The following KSR2 variants were observed in gnomAD, a reference collection of about 807,000 sequenced individuals.
KSR2 encodes the protein kinase suppressor of ras 2.
Under a neutral mutation model 107.8 loss-of-function variants are expected in KSR2, and 25 were observed. That is an observed-to-expected ratio of 0.23 (90% confidence interval 0.17 to 0.32). The LOEUF is 0.32. Among genes scored for constraint, KSR2 ranks in the 10% least tolerant of loss-of-function variants. KSR2 has a pLI of 1.00. For synonymous variants in KSR2, 480 were observed against 507.0 expected (o/e 0.95, Z 0.71); for missense variants, 887 against 1,268.9 (o/e 0.70, Z 4.57).
chr12:117,818,232 T>C (rs1156807044), intron 3 of KSR2, among the ~76,000 whole-genome samples: 5 of 152,208 alleles, frequency 3.3e-5, no homozygotes, highest in South Asian at 2.1e-4. Context: ...ATGTCACCAT[T>C]TGGCCCTTGG....
intron 7 of KSR2, among the ~76,000 whole-genome samples, chr12:117,562,114 G>T (rs1878167621): frequency 6.6e-6 from 1 of 152,200 alleles, no homozygotes; most frequent in Admixed American, 6.5e-5. Context: ...AGGTGTCAAG[G>T]GTAGGGGAAG....
At chr12:117,685,704 G>T (rs1379232214) in intron 4 of KSR2, among the ~76,000 whole-genome samples, 1 of 152,238 alleles carries the variant, frequency 6.6e-6, no homozygotes, top group Non-Finnish European at 1.5e-5. Flanking sequence ...GGAAATAGCT[G>T]CATCCCCACC....
intron 1 of KSR2, among the ~76,000 whole-genome samples, chr12:117,950,793 A>C (rs1009601810): frequency 6.7e-6 from 1 of 150,260 alleles, no homozygotes; most frequent in African/African-American, 2.4e-5. Flanking sequence ...AATAAAAGTA[A>C]AAATACACTG....
chr12:117,651,607 T>C (rs1353469848), intron 5 of KSR2, among the ~76,000 whole-genome samples: 1 of 152,226 alleles, frequency 6.6e-6, no homozygotes, highest in Non-Finnish European at 1.5e-5. Flanking sequence ...TTTATTTGCT[T>C]GGTTAGCCGA....
intron 2 of KSR2, among the ~76,000 whole-genome samples, chr12:117,857,280 G>A (rs559411054): frequency 3.3e-5 from 5 of 152,068 alleles, no homozygotes; most frequent in African/African-American, 9.6e-5. Context: ...GGCTGGTCTC[G>A]AATTCCTGGC....
chr12:117,846,734 G>A (rs575395116), intron 3 of KSR2, among the ~76,000 whole-genome samples: 1 of 152,374 alleles, frequency 6.6e-6, no homozygotes, highest in Admixed American at 6.5e-5. Context: ...CACCTGTGGC[G>A]ATGAACAACT....
chr12:117,604,807 A>G (rs556287647), intron 5 of KSR2, among the ~76,000 whole-genome samples: 1 of 152,318 alleles, frequency 6.6e-6, no homozygotes, highest in African/African-American at 2.4e-5. Context: ...GTGGGACTGC[A>G]GCAAGTTGGA....
intron 4 of KSR2, among the ~76,000 whole-genome samples, chr12:117,756,481 A>C (rs1888794853): frequency 6.6e-6 from 1 of 152,252 alleles, no homozygotes; most frequent in South Asian, 2.1e-4. Context: ...TGGTTTGCTG[A>C]ATATTTTAAG....
Position 117,875,117 on chromosome 12 carries a change from AG to A in KSR2, c.181-14687del, listed in dbSNP as rs574716913. On this transcript the variant is annotated intron_variant, in intron 1 of 19. Transcript: ENST00000339824. ...GCGCCTTATTACTGTACTCTGTATT[AG>A]CATGGCGGTAAATTTAGCAGCATAA... Among the ~76,000 whole-genome samples the A allele has an allele frequency of 2.2e-4, 33 of 152,312 alleles. 1 individual carries two copies. The South Asian group carries it at 6.4e-3, about 30-fold the overall frequency.
rs546353757 is a variant in KSR2, at chr12:117,528,851, C to T, written c.1803-1732G>A. Among the ~76,000 whole-genome samples the T allele has an allele frequency of 2.6e-5, 4 of 152,336 alleles. No individual in the cohort carries two copies. In the South Asian group the frequency reaches 8.3e-4, roughly 32 times the overall value. ...CCTTCTGCAAAGAGTTGTCATCACT[C>T]CGCGCACATTTAAGCAGATCGCAAG... On this transcript the variant is annotated intron_variant, in intron 12 of 19. Coordinates refer to ENST00000339824, the MANE Select transcript of KSR2 (RefSeq NM_173598.6).
intron 5 of KSR2, among the ~76,000 whole-genome samples, chr12:117,598,432 T>C (rs1880761063): frequency 6.6e-6 from 1 of 152,228 alleles, no homozygotes; most frequent in Non-Finnish European, 1.5e-5. Flanking sequence ...TTGCGAATTG[T>C]GCTGCTATAA....
At chr12:117,931,464 G>A (rs1419340502) in intron 1 of KSR2, among the ~76,000 whole-genome samples, 1 of 152,148 alleles carries the variant, frequency 6.6e-6, no homozygotes, top group Non-Finnish European at 1.5e-5. Context: ...TGCTAAAGAG[G>A]TCGTGCCCGC....
chr12:117,527,554 C>T (rs1184582111), intron 12 of KSR2, among the ~76,000 whole-genome samples: 2 of 152,172 alleles, frequency 1.3e-5, no homozygotes, highest in Non-Finnish European at 2.9e-5. Flanking sequence ...CCGAAGTTCA[C>T]ACAAATTTGG....
At chr12:117,793,126 A>G (rs1380901788) in intron 3 of KSR2, among the ~76,000 whole-genome samples, 1 of 140,100 alleles carries the variant, frequency 7.1e-6, no homozygotes, top group East Asian at 2.2e-4. Context: ...ACAAACATGC[A>G]CACACACACT....
At chr12:117,798,718 A>ACAT (rs545976554) in intron 3 of KSR2, among the ~76,000 whole-genome samples, 1 of 108,614 alleles carries the variant, frequency 9.2e-6, no homozygotes. Context: ...CCAAAAAAAA[A>ACAT]AAATATATAT....
intron 16 of KSR2, among the ~76,000 whole-genome samples, chr12:117,482,971 G>A (rs185719544): frequency 1.9e-4 from 29 of 152,352 alleles, no homozygotes; most frequent in African/African-American, 6.7e-4. Flanking sequence ...GGGACACTGG[G>A]AAACTGGGAA....
rs78251090 is a variant in KSR2 at position 117,866,040 on chromosome 12, T to C, written c.181-5609A>G. 2.2e-4 allele frequency among the ~76,000 whole-genome samples: 32 copies of C among 143,228 alleles called. No individual in the cohort carries two copies. In the South Asian group the frequency reaches 2.6e-3, roughly 11 times the overall value. 94.0% of individuals were successfully genotyped at this position (143,228 alleles called of 152,430 possible). A position where few individuals can be genotyped will look rare whatever the true frequency, so the allele number is the denominator to read the frequency against. ...CTGTAACACTTGCTAATCTCTCTCT[T>C]TTTTTTTTTTTTTTGAAACAAATTC... On this transcript the variant is annotated intron_variant, in intron 1 of 19. Coordinates refer to ENST00000339824, the MANE Select transcript of KSR2 (RefSeq NM_173598.6).
At chr12:117,657,812 T>C (rs1017454872) in intron 5 of KSR2, among the ~76,000 whole-genome samples, 3 of 152,230 alleles carry the variant, frequency 2.0e-5, no homozygotes, top group African/African-American at 7.2e-5. Flanking sequence ...ATTTTGTGTG[T>C]GCTAGCTCCA....
intron 5 of KSR2, among the ~76,000 whole-genome samples, chr12:117,612,225 G>GA (rs1275322470): frequency 1.3e-5 from 2 of 152,084 alleles, no homozygotes; most frequent in African/African-American, 4.8e-5. Flanking sequence ...CCAACATGGT[G>GA]AAACCTCGTT....
Sources: allele counts gnomAD v4.1 joint callset (sites outside exome capture counted in the v4.1 genomes callset), GRCh38; gene constraint gnomAD v4.1.1; transcripts MANE v1.5; gene names NCBI Gene and HGNC (gene_info 2026-07-23, HGNC 2026-07-21).